Variants in UBE2O observed in about 807,000 individuals in gnomAD.
UBE2O encodes ubiquitin conjugating enzyme E2 O.
UBE2O carries 15 observed loss-of-function variants against 125.8 expected under a neutral mutation model. The observed-to-expected ratio is 0.12, with a 90% CI of 0.08 to 0.18. The LOEUF is 0.18. Among genes scored for constraint, UBE2O ranks in the 10% least tolerant of loss-of-function variants. The pLI is 1.00. For missense variants in UBE2O, 1,280 were observed against 1,723.6 expected (o/e 0.74, Z 4.56); for synonymous variants, 708 against 703.2 (o/e 1.01, Z -0.11).
At position 76,405,886 on chromosome 17, in the gene UBE2O, C is replaced by T. The variant is rs2072408574; in HGVS notation, c.418-314G>A. On this transcript the variant is annotated intron_variant, in intron 1 of 17. Coordinates refer to ENST00000319380, the MANE Select transcript of UBE2O (RefSeq NM_022066.4). This position sits in a 1 kb window ranked among gnomAD's most constrained non-coding sequence, Gnocchi z 6.1. ...CTCAATGACAGATCACATAAGGCTG[C>T]ACTTTAATGAAGGATTTAACAGCCC... Among the ~76,000 whole-genome samples the T allele has an allele frequency of 4.6e-5, 7 of 152,340 alleles. No homozygotes were observed. In the South Asian group the frequency reaches 1.5e-3, roughly 32 times the overall value.
chr17:76,426,992 C>G (rs2072824185), intron 1 of UBE2O, among the ~76,000 whole-genome samples: 1 of 152,060 alleles, frequency 6.6e-6, no homozygotes, highest in South Asian at 2.1e-4. Flanking sequence ...GAAAACTAAG[C>G]CAACAACTGA....
At chr17:76,451,552 G>T (rs952901028) in intron 1 of UBE2O, among the ~76,000 whole-genome samples, 1 of 152,108 alleles carries the variant, frequency 6.6e-6, no homozygotes, top group Non-Finnish European at 1.5e-5. Flanking sequence ...TTCTCAAGCC[G>T]TTGTCACAGA....
At chr17:76,442,860 T>C (rs929485298) in intron 1 of UBE2O, among the ~76,000 whole-genome samples, 3 of 152,070 alleles carry the variant, frequency 2.0e-5, no homozygotes, top group Non-Finnish European at 2.9e-5. Flanking sequence ...GGGAGAAGGC[T>C]ACACAGTGCA....
intron 1 of UBE2O, among the ~76,000 whole-genome samples, chr17:76,421,335 G>C (rs2072706857): frequency 6.6e-6 from 1 of 152,104 alleles, no homozygotes; most frequent in African/African-American, 2.4e-5. Context: ...AAAGACACTA[G>C]AGCATGGAAC....
In UBE2O at chr17:76,399,702, G is replaced by C; in HGVS notation, c.1375C>G (p.Gln459Glu). The change falls in exon 9 of 18, where the codon CAG becomes GAG. Residue 459 changes from glutamine to glutamate, a missense_variant. This residue lies in a region of UBE2O where 141 missense variants were observed against 141.3 expected (regional missense o/e 1.00). Coordinates refer to ENST00000319380, the MANE Select transcript of UBE2O (RefSeq NM_022066.4). This position sits in a 1 kb window ranked among gnomAD's most constrained non-coding sequence, Gnocchi z 6.9. ...TCTTTTAGCAGGAATGGGGGCAGCT[G>C]CTCTCCTGCCTCGTGGGGCTCCTCT... ...GAEEPHEAGE[Q>E]LPPFLLKEGR... is the part of the protein sequence containing the mutation. 1 of 1,614,172 alleles carries C rather than the reference G, an allele frequency of 6.2e-7. No homozygotes were observed. Among genetic ancestry groups the C allele is most frequent in the Non-Finnish European group, 8.5e-7 (1 of 1,180,032 alleles).
At position 76,390,794 on chromosome 17, in the gene UBE2O, C is replaced by T; in HGVS notation, c.*149G>A. 1.3e-6 allele frequency: 1 copy of T among 752,962 alleles called. No homozygotes were observed. Among genetic ancestry groups the T allele is most frequent in the Non-Finnish European group, 2.1e-6 (1 of 481,162 alleles). 46.6% of individuals were successfully genotyped at this position (752,962 alleles called of 1,614,324 possible). On this transcript the variant is annotated 3_prime_UTR_variant, in exon 18 of 18. Coordinates refer to ENST00000319380, the MANE Select transcript of UBE2O (RefSeq NM_022066.4). Reference sequence around the variant, plus strand: ...GCAGCATCTCAACACACTTCTTGCACTTCAGCATCAAACTCACCTTGGGGA... The same window carrying T: ...GCAGCATCTCAACACACTTCTTGCATTTCAGCATCAAACTCACCTTGGGGA...
intron 1 of UBE2O, among the ~76,000 whole-genome samples, chr17:76,434,859 CT>C (rs1368456322): frequency 6.6e-6 from 1 of 150,406 alleles, no homozygotes; most frequent in African/African-American, 2.5e-5. Flanking sequence ...TCAAATACCT[CT>C]GTTATAGTCC....
chr17:76,414,920 T>C (rs1471243868), intron 1 of UBE2O, among the ~76,000 whole-genome samples: 1 of 152,158 alleles, frequency 6.6e-6, no homozygotes, highest in South Asian at 2.1e-4. Context: ...GGCTCCTGCA[T>C]TTGAAGGGAG....
intron 1 of UBE2O, among the ~76,000 whole-genome samples, chr17:76,440,859 T>C (rs1335887524): frequency 6.6e-6 from 1 of 152,238 alleles, no homozygotes; most frequent in Non-Finnish European, 1.5e-5. Flanking sequence ...CCTGCAACAC[T>C]AGGACATTTA....
Position 76,390,858 on chromosome 17 carries a change from TG to T in UBE2O, c.*84del. On this transcript the variant is annotated 3_prime_UTR_variant, in exon 18 of 18. Transcript: ENST00000319380. ...GGTTTGCAGTGGGGACAGAGGGGCATGGGAAGAGGGGTGATTCCGGGGGGGA... is the reference window on the plus strand; with the variant it reads ...GGTTTGCAGTGGGGACAGAGGGGCATGGAAGAGGGGTGATTCCGGGGGGGA... The T allele has an allele frequency of 7.2e-7, 1 of 1,393,254 alleles. No homozygotes were observed. The highest frequency in any genetic ancestry group is 9.7e-7 in the Non-Finnish European group (1 of 1,029,458). The allele number at this position is 1,393,254 out of a possible 1,614,324, so 86.3% of individuals were successfully genotyped here.
intron 1 of UBE2O, among the ~76,000 whole-genome samples, chr17:76,434,341 G>A (rs1014548612): frequency 6.6e-6 from 1 of 152,118 alleles, no homozygotes; most frequent in African/African-American, 2.4e-5. Context: ...CACAGAAAAG[G>A]AAAGTGAGAG....
intron 1 of UBE2O, among the ~76,000 whole-genome samples, chr17:76,427,585 A>G (rs577372830): frequency 2.2e-4 from 34 of 152,328 alleles, no homozygotes; most frequent in African/African-American, 7.0e-4. Context: ...AAAGGCCTGT[A>G]CTGTGCAAGG....
intron 1 of UBE2O, among the ~76,000 whole-genome samples, chr17:76,408,814 C>G (rs538536115): frequency 1.3e-5 from 2 of 152,250 alleles, no homozygotes; most frequent in Non-Finnish European, 2.9e-5. Context: ...TTGGAATAAA[C>G]CCAATCCCTA....
chr17:76,427,049 T>C (rs538538585), intron 1 of UBE2O, among the ~76,000 whole-genome samples: 1 of 152,220 alleles, frequency 6.6e-6, no homozygotes, highest in Non-Finnish European at 1.5e-5. Context: ...GCCTCTACTG[T>C]TGCTACTTGG....
At chr17:76,401,939 GCGCGCACC>G in intron 5 of UBE2O, 117 bp downstream of exon 5, 1 of 839,202 alleles carries the variant, frequency 1.2e-6, no homozygotes, top group Non-Finnish European at 1.8e-6. Context: ...AGACCCTCTG[GCGCGCACC>G]CGCCCCTTTT....
At chr17:76,428,944 C>T (rs2072858362) in intron 1 of UBE2O, among the ~76,000 whole-genome samples, 1 of 150,762 alleles carries the variant, frequency 6.6e-6, no homozygotes. Flanking sequence ...CTCTGTCGCC[C>T]AGGCTGGAGT....
intron 1 of UBE2O, among the ~76,000 whole-genome samples, chr17:76,434,265 GA>G (rs1486703533): frequency 2.6e-5 from 4 of 152,126 alleles, no homozygotes; most frequent in Non-Finnish European, 5.9e-5. Flanking sequence ...CAGAGGTTCA[GA>G]TGAAGACCCC....
intron 15 of UBE2O, among the ~76,000 whole-genome samples, chr17:76,392,820 A>G (rs1278447604): frequency 3.3e-5 from 5 of 151,888 alleles, no homozygotes; most frequent in Non-Finnish European, 7.4e-5. Flanking sequence ...AGGCGTGGTG[A>G]TGCATGCCTG....
At position 76,400,284 on chromosome 17, in the gene UBE2O, C is replaced by T; in HGVS notation, c.1018G>A (p.Gly340Arg). 3.1e-6 allele frequency: 5 copies of T among 1,613,790 alleles called. No homozygotes were observed. Among genetic ancestry groups the T allele is most frequent in the South Asian group, 1.1e-5 (1 of 91,074 alleles). ...TGCCGCTGAGCATGGTCAAAGCATC[C>T]GAGACGCTTCACCCTGGTTGGGGAA... ...QENLGRVKRL[G>R]CFDHAQRQLG... is the part of the protein sequence containing the mutation. Residue 340 changes from glycine to arginine, a missense_variant, in exon 8 of 18, where the codon GGA becomes AGA. Gly to Arg is a moderately radical substitution (Grantham distance 125). Coordinates refer to ENST00000319380, the MANE Select transcript of UBE2O (RefSeq NM_022066.4). The surrounding 1 kb of genome is among the most constrained non-coding windows in gnomAD (Gnocchi z 4.3).
Sources: gnomAD v4.1 joint callset for allele counts (sites outside exome capture counted in the v4.1 genomes callset) on GRCh38, gnomAD v4.1.1 for gene constraint, gnomAD v4.1.1 regional missense constraint, Gnocchi (gnomAD v3.1) non-coding constraint, MANE v1.5 for transcripts, NCBI Gene and HGNC (gene_info 2026-07-23, HGNC 2026-07-21) for gene names.